The following TEAD1 variants were observed in gnomAD, a reference collection of about 807,000 sequenced individuals.
The protein encoded by TEAD1 is TEA domain transcription factor 1.
A neutral mutation model predicts 54.9 loss-of-function variants in TEAD1; 9 were observed. The observed-to-expected ratio is 0.16, with a 90% confidence interval of 0.10 to 0.29. The LOEUF (loss-of-function observed/expected upper bound fraction) is 0.29. Ranked by LOEUF, TEAD1 falls within the 10% of genes least tolerant of loss-of-function variation. The probability of loss-of-function intolerance (pLI) is 1.00; values close to 1 mark genes in which losing one functional copy is unlikely to be tolerated. For synonymous variants in TEAD1, 200 were observed against 187.8 expected, an observed-to-expected ratio of 1.07 and a Z score of -0.53; for missense variants, 387 against 535.9, an observed-to-expected ratio of 0.72 and a Z score of 2.74.
chr11:12,721,201 G>T (rs926211977), intron 2 of TEAD1, among the ~76,000 whole-genome samples: 2 of 152,184 alleles, frequency 1.3e-5, no homozygotes, highest in African/African-American at 2.4e-5. Context: ...ACGAGTGAGT[G>T]TAGAAGCACC....
At chr11:12,923,078 T>C (rs1948841206) in intron 10 of TEAD1, among the ~76,000 whole-genome samples, 1 of 151,970 alleles carries the variant, frequency 6.6e-6, no homozygotes, top group African/African-American at 2.4e-5. Flanking sequence ...TCCTAGTATA[T>C]ATATATATAC....
intron 3 of TEAD1, among the ~76,000 whole-genome samples, chr11:12,811,084 A>G (rs1946290747): frequency 6.6e-6 from 1 of 152,226 alleles, no homozygotes; most frequent in African/African-American, 2.4e-5. Flanking sequence ...GTAGACCGTG[A>G]TTGATATAAG....
intron 3 of TEAD1, among the ~76,000 whole-genome samples, chr11:12,859,456 C>G (rs1355391991): frequency 6.6e-6 from 1 of 152,222 alleles, no homozygotes; most frequent in Non-Finnish European, 1.5e-5. Flanking sequence ...GGCTTGTCTG[C>G]AGACATTGTC....
intron 2 of TEAD1, among the ~76,000 whole-genome samples, chr11:12,739,496 A>G (rs1564923865): frequency 1.3e-5 from 2 of 152,078 alleles, no homozygotes; most frequent in African/African-American, 2.4e-5. Context: ...TGTGAATTTG[A>G]CTACTCTAGG....
intron 2 of TEAD1, among the ~76,000 whole-genome samples, chr11:12,763,102 C>T (rs1429314007): frequency 6.6e-6 from 1 of 152,154 alleles, no homozygotes; most frequent in African/African-American, 2.4e-5. Context: ...GTTAGTGTGC[C>T]AGACAGCAGG....
intron 3 of TEAD1, among the ~76,000 whole-genome samples, chr11:12,853,705 C>G (rs991438021): frequency 2.0e-5 from 3 of 152,132 alleles, no homozygotes; most frequent in African/African-American, 7.2e-5. Context: ...CTTTCTGACC[C>G]CTGTAACCCA....
At chr11:12,791,998 A>T (rs372380005) in intron 3 of TEAD1, among the ~76,000 whole-genome samples, 2 of 152,184 alleles carry the variant, frequency 1.3e-5, no homozygotes, top group African/African-American at 4.8e-5. Context: ...CATGAACACT[A>T]ATCTTCCCTG....
At chr11:12,687,942 G>C (rs1943367791) in intron 2 of TEAD1, among the ~76,000 whole-genome samples, 1 of 152,178 alleles carries the variant, frequency 6.6e-6, no homozygotes, top group Non-Finnish European at 1.5e-5. Context: ...TAGGGGGACT[G>C]CTGTAGTTTG....
At chr11:12,780,281 TCACC>T (rs1945515308) in intron 3 of TEAD1, among the ~76,000 whole-genome samples, 1 of 151,248 alleles carries the variant, frequency 6.6e-6, no homozygotes, top group African/African-American at 2.4e-5. Flanking sequence ...TTCGCTCTTG[TCACC>T]TAGGCTGGAC....
chr11:12,924,837 C>T (rs1948879970), intron 10 of TEAD1, 75 bp from the exon 11 acceptor site: 1 of 1,576,636 alleles, frequency 6.3e-7, no homozygotes. Context: ...AGAGGTCTTA[C>T]CCTGAAAGTT....
chr11:12,783,131 TGTGC>T (rs1335967090), intron 3 of TEAD1, among the ~76,000 whole-genome samples: 19 of 148,296 alleles, frequency 1.3e-4, no homozygotes, highest in African/African-American at 4.9e-4. Context: ...TGTGTGTGTG[TGTGC>T]GCGCACTTTC....
chr11:12,914,915 GA>G (rs1290274302), intron 10 of TEAD1, among the ~76,000 whole-genome samples: 9 of 152,236 alleles, frequency 5.9e-5, no homozygotes, highest in African/African-American at 1.9e-4. Flanking sequence ...GCTACCATTG[GA>G]AAAAATTGCT....
chr11:12,850,116 A>G (rs970277333), intron 3 of TEAD1, among the ~76,000 whole-genome samples: 1 of 152,192 alleles, frequency 6.6e-6, no homozygotes, highest in Non-Finnish European at 1.5e-5. Context: ...AGACATATAA[A>G]CCTGGTGCAG....
chr11:12,721,613 A>T (rs1274793273), intron 2 of TEAD1, among the ~76,000 whole-genome samples: 1 of 152,246 alleles, frequency 6.6e-6, no homozygotes, highest in African/African-American at 2.4e-5. Context: ...AACAGTTCTA[A>T]ATACACATTA....
intron 12 of TEAD1, among the ~76,000 whole-genome samples, chr11:12,931,618 C>T (rs573024464): frequency 8.2e-4 from 125 of 152,182 alleles, no homozygotes; most frequent in African/African-American, 2.9e-3. Context: ...TTCCCAGTTT[C>T]CCAAAACTCT....
At chr11:12,731,853 C>T (rs888612719) in intron 2 of TEAD1, among the ~76,000 whole-genome samples, 28 of 152,246 alleles carry the variant, frequency 1.8e-4, no homozygotes, top group South Asian at 4.2e-4. Context: ...GCTTTGTGCC[C>T]GTTTGCTGTC....
rs745858857 is a variant in TEAD1 at position 12,924,974 on chromosome 11, C to T, written c.936C>T (p.Tyr312=). 10 of 1,613,984 alleles carry T rather than the reference C, an allele frequency of 6.2e-6. No individual in the cohort carries two copies. The South Asian group carries it at 6.6e-5, about 11-fold the overall frequency. ...CTTTTTATGGTGTAACCAGTCAGTA[C>T]GAGAGTTCTGAAAATATGACAGTCA... The change falls in exon 11 of 13, where the codon TAC becomes TAT. Residue 312 remains tyrosine (Y), a synonymous_variant. Transcript: ENST00000527636.
At chr11:12,838,863 T>G (rs1414167929) in intron 3 of TEAD1, among the ~76,000 whole-genome samples, 1 of 152,196 alleles carries the variant, frequency 6.6e-6, no homozygotes, top group South Asian at 2.1e-4. Flanking sequence ...TTGTTGGTTA[T>G]AGAGTGATAA....
chr11:12,869,564 C>G (rs1325202405), intron 5 of TEAD1, among the ~76,000 whole-genome samples: 1 of 152,154 alleles, frequency 6.6e-6, no homozygotes, highest in Admixed American at 6.5e-5. Flanking sequence ...TGGTAATTGA[C>G]TAGGAGTGTG....
Sources: allele counts gnomAD v4.1 joint callset (sites outside exome capture counted in the v4.1 genomes callset), GRCh38; gene constraint gnomAD v4.1.1; transcripts MANE v1.5; gene names NCBI Gene and HGNC (gene_info 2026-07-23, HGNC 2026-07-21).